Variants in ITPR1 observed in about 807,000 individuals in gnomAD.
ITPR1 encodes the protein inositol 1,4,5-trisphosphate receptor type 1, also known as inositol 1,4,5-trisphosphate-gated calcium channel ITPR1.
ITPR1 carries 96 observed loss-of-function variants against 318.4 expected under a neutral mutation model. The observed-to-expected ratio is 0.30, with a 90% confidence interval of 0.26 to 0.36. ITPR1 has a LOEUF of 0.36. Ranked by LOEUF, ITPR1 falls within the 10% of genes least tolerant of loss-of-function variation. ITPR1 has a pLI of 1.00. For missense variants in ITPR1, 2,440 were observed against 3,460.2 expected, an observed-to-expected ratio of 0.71 and a Z score of 7.40; for synonymous variants, 1,312 against 1,289.9, an observed-to-expected ratio of 1.02 and a Z score of -0.37.
Position 4,662,170 on chromosome 3 carries a change from A to G in ITPR1, c.1340A>G (p.Asn447Ser), listed in dbSNP as rs147337859. The G allele has an allele frequency of 4.3e-6, 7 of 1,613,596 alleles. No individual in the cohort carries two copies. The highest frequency in any genetic ancestry group is 3.3e-5 in the South Asian group (3 of 91,022). Residue 447 changes from asparagine (N) to serine (S), a missense_variant, in exon 15 of 62, where the codon AAT becomes AGT. Physicochemically the swap from Asn to Ser is conservative, Grantham distance 46. Around this residue, in one of 23 missense-constraint regions of ITPR1, gnomAD observed 478 missense variants for 696.3 expected, o/e 0.69. Transcript: ENST00000649015. ...GAAGTTCGGGACCTGGACTTTGCCA[A>G]TGATGCCAGCAAGGTGCTGGGCTCC... ...PAEVRDLDFANDASKVLGSIA... is the reference protein window; with the variant it reads ...PAEVRDLDFASDASKVLGSIA...
chr3:4,816,375 C>A (rs960280989), intron 59 of ITPR1: 2 of 152,166 alleles, frequency 1.3e-5, no homozygotes, highest in African/African-American at 4.8e-5. Context: ...ACAGGAATAT[C>A]AAAGACATGC....
chr3:4,669,249 C>T (rs1164214603), intron 18 of ITPR1, among the ~76,000 whole-genome samples: 1 of 152,190 alleles, frequency 6.6e-6, no homozygotes, highest in Non-Finnish European at 1.5e-5. Flanking sequence ...GTAATTTCCC[C>T]AAATGAACGC....
intron 4 of ITPR1, among the ~76,000 whole-genome samples, chr3:4,566,586 G>T (rs994368987): frequency 2.1e-5 from 3 of 145,384 alleles, no homozygotes; most frequent in Admixed American, 7.0e-5. Flanking sequence ...GGCCCAGGAA[G>T]CCTGAATGGG....
chr3:4,583,876 A>G (rs919484040), intron 4 of ITPR1, among the ~76,000 whole-genome samples: 2 of 152,298 alleles, frequency 1.3e-5, no homozygotes, highest in African/African-American at 4.8e-5. Context: ...ATGTTTACAC[A>G]TCAGATACAT....
At chr3:4,589,461 A>G (rs6808180) in intron 4 of ITPR1, among the ~76,000 whole-genome samples, 23,920 of 151,932 alleles carry the variant, frequency 0.16, 3,148 homozygotes, top group East Asian at 0.4. Flanking sequence ...GCAAATCTCA[A>G]CCCCTCTCCT....
rs544762629 is a variant in ITPR1 at position 4,737,626 on chromosome 3, G to A, written c.5544+2272G>A. On this transcript the variant is annotated intron_variant, in intron 44 of 61. Coordinates refer to ENST00000649015, the MANE Select transcript of ITPR1 (RefSeq NM_001378452.1). The stretch of plus-strand genomic sequence containing the variant: ...CTCCAAGGGGCTTTGGAGCTGTAAC[G>A]GAGGACTATACACCTGGCAGTAGAG... Among the ~76,000 whole-genome samples, 18 of 152,298 alleles carry A rather than the reference G, an allele frequency of 1.2e-4. No individual in the cohort carries two copies. The East Asian group carries it at 1.5e-3, about 13-fold the overall frequency.
Position 4,553,373 on chromosome 3 carries a change from G to A in ITPR1, c.163+32279G>A, listed in dbSNP as rs180930052. On this transcript the variant is annotated intron_variant, in intron 4 of 61. Transcript: ENST00000649015. ...AGGTTGAGGCTTAAGTGGTTTATTG[G>A]TACCAGATTTTGAAGTCTTTGATTG... is the stretch of plus-strand genomic sequence containing the variant. 1.3e-3 allele frequency among the ~76,000 whole-genome samples: 191 copies of A among 152,150 alleles called. 1 individual carries two copies. The highest frequency in any genetic ancestry group is 4.3e-3 in the African/African-American group (178 of 41,494).
At chr3:4,627,997 CTT>C (rs1051558030) in intron 5 of ITPR1, 119 bp downstream of exon 5, 3 of 598,648 alleles carry the variant, frequency 5.0e-6, no homozygotes, top group East Asian at 5.9e-5. Context: ...CAGCTTTCTA[CTT>C]TTTTTTTCGT....
Position 4,617,729 on chromosome 3 carries a change from A to G in ITPR1, c.164-10034A>G, listed in dbSNP as rs534526109. Among the ~76,000 whole-genome samples the G allele has an allele frequency of 1.6e-4, 25 of 152,290 alleles. No homozygotes were observed. The South Asian group carries it at 3.5e-3, about 21-fold the overall frequency. On this transcript the variant is annotated intron_variant, in intron 4 of 61. Coordinates refer to ENST00000649015, the MANE Select transcript of ITPR1 (RefSeq NM_001378452.1). The stretch of plus-strand genomic sequence containing the variant: ...CTGGGCTTGGTGGCACATGCCTATA[A>G]TCCCAGCACTTTGGGAGGCCAAGGT...
chr3:4,608,400 A>G (rs1205945425), intron 4 of ITPR1, among the ~76,000 whole-genome samples: 1 of 152,146 alleles, frequency 6.6e-6, no homozygotes, highest in Non-Finnish European at 1.5e-5. Flanking sequence ...TTGAGACACG[A>G]TTCAGAAGGG....
chr3:4,701,568 A>G (rs1454537764), intron 35 of ITPR1, among the ~76,000 whole-genome samples: 3 of 152,212 alleles, frequency 2.0e-5, no homozygotes, highest in Non-Finnish European at 4.4e-5. Flanking sequence ...TGAAGAAGGC[A>G]ATGAGATTCT....
chr3:4,523,677 G>A (rs1044375038), intron 4 of ITPR1, among the ~76,000 whole-genome samples: 17 of 152,118 alleles, frequency 1.1e-4, no homozygotes, highest in Admixed American at 7.2e-4. Flanking sequence ...TGTGGTATTC[G>A]TCTTTCTGTG....
At chr3:4,732,135 G>A (rs1431673409) in intron 42 of ITPR1, among the ~76,000 whole-genome samples, 1 of 152,202 alleles carries the variant, frequency 6.6e-6, no homozygotes, top group South Asian at 2.1e-4. Context: ...GGGTGAAAGT[G>A]TAGAGCTGAG....
chr3:4,748,557 CT>C (rs1315671087), intron 44 of ITPR1, among the ~76,000 whole-genome samples: 1 of 152,116 alleles, frequency 6.6e-6, no homozygotes, highest in African/African-American at 2.4e-5. Context: ...AGAAGAAAGG[CT>C]CTTCCTCAGT....
At chr3:4,756,322 A>T (rs928379380) in intron 44 of ITPR1, among the ~76,000 whole-genome samples, 5 of 142,202 alleles carry the variant, frequency 3.5e-5, no homozygotes, top group Admixed American at 2.8e-4. Flanking sequence ...AATTTCAGCC[A>T]AATTTTTTTT....
chr3:4,557,278 G>A (rs938739989), intron 4 of ITPR1, among the ~76,000 whole-genome samples: 1 of 152,208 alleles, frequency 6.6e-6, no homozygotes, highest in Non-Finnish European at 1.5e-5. Context: ...GCAAGAGAGA[G>A]CAGGTGCAGG....
chr3:4,582,833 CCTT>C lies in ITPR1; in HGVS notation c.164-44925_164-44923del, dbSNP rs1462138424. ...TAGAAAAATGTATGGAATGTGTTCT[CCTT>C]CTTCCAGCTCTGTGCGTGCTTCAGG... On this transcript the variant is annotated intron_variant, in intron 4 of 61. Coordinates refer to ENST00000649015, the MANE Select transcript of ITPR1 (RefSeq NM_001378452.1). 2.2e-4 allele frequency among the ~76,000 whole-genome samples: 33 copies of C among 152,158 alleles called. 1 individual carries two copies. The highest frequency in any genetic ancestry group is 2.0e-3 in the Admixed American group (31 of 15,258).
chr3:4,514,200 A>G (rs758342609), intron 2 of ITPR1, among the ~76,000 whole-genome samples: 11 of 152,190 alleles, frequency 7.2e-5, no homozygotes, highest in Non-Finnish European at 1.2e-4. Flanking sequence ...AGTGTCTTCA[A>G]CAACAAAATG....
intron 44 of ITPR1, among the ~76,000 whole-genome samples, chr3:4,745,562 T>C (rs2044042904): frequency 6.6e-6 from 1 of 152,208 alleles, no homozygotes; most frequent in Admixed American, 6.5e-5. Flanking sequence ...TCAGGGCATA[T>C]ACGGTTGACC....
Sources: allele counts gnomAD v4.1 joint callset (sites outside exome capture counted in the v4.1 genomes callset), GRCh38; gene constraint gnomAD v4.1.1; regional missense constraint gnomAD v4.1.1; transcripts MANE v1.5; gene names NCBI Gene and HGNC (gene_info 2026-07-23, HGNC 2026-07-21).